MXI1: variants seen among roughly 807,000 people sequenced by gnomAD.
MXI1 encodes MAX interactor 1, dimerization protein.
Under a neutral mutation model 36.9 loss-of-function variants are expected in MXI1, and 18 were observed. The observed-to-expected ratio is 0.49, with a 90% confidence interval of 0.34 to 0.72. The LOEUF is 0.72. MXI1 is among the 30% of genes least tolerant of loss of function. The pLI, the probability that MXI1 is intolerant of heterozygous loss-of-function variation, is 0.01. For synonymous variants in MXI1, 160 were observed against 146.7 expected (o/e 1.09, Z -0.65); for missense variants, 304 against 379.1 (o/e 0.80, Z 1.64).
chr10:110,239,803 CA>C (rs1437574140), intron 2 of MXI1, among the ~76,000 whole-genome samples: 3 of 151,710 alleles, frequency 2.0e-5, no homozygotes, highest in African/African-American at 7.3e-5. Flanking sequence ...AATGTACATA[CA>C]AAAAAAGCAT....
intron 3 of MXI1, among the ~76,000 whole-genome samples, chr10:110,249,206 T>C (rs1855980402): frequency 6.6e-6 from 1 of 152,206 alleles, no homozygotes; most frequent in East Asian, 1.9e-4. Flanking sequence ...AGTAACTCAC[T>C]ATGAAAAGAT....
chr10:110,215,031 G>GT (rs1310002307), intron 1 of MXI1, among the ~76,000 whole-genome samples: 1,818 of 97,836 alleles, frequency 0.019, 125 homozygotes, highest in Non-Finnish European at 0.025. Context: ...CTCCACTTCA[G>GT]TTTTTTTTTT....
chr10:110,262,183 T>C (rs1207132407), intron 3 of MXI1, among the ~76,000 whole-genome samples: 1 of 152,158 alleles, frequency 6.6e-6, no homozygotes, highest in East Asian at 1.9e-4. Flanking sequence ...ATTGCATCTA[T>C]GCTAAACATA....
At chr10:110,211,073 CTTTTT>C (rs33972208) in intron 1 of MXI1, among the ~76,000 whole-genome samples, 1 of 131,320 alleles carries the variant, frequency 7.6e-6, no homozygotes, top group Non-Finnish European at 1.6e-5. Context: ...TTGTGTACGT[CTTTTT>C]TTTTTTTTTT....
chr10:110,212,127 G>A (rs1854529781), intron 1 of MXI1, among the ~76,000 whole-genome samples: 1 of 152,228 alleles, frequency 6.6e-6, no homozygotes, highest in Admixed American at 6.5e-5. Context: ...AGTGTCTGGA[G>A]GAGGTTGCTT....
intron 1 of MXI1, chr10:110,226,230 T>G: frequency 6.7e-7 from 1 of 1,496,618 alleles, no homozygotes; most frequent in South Asian, 1.2e-5. Flanking sequence ...GTGAAGATGA[T>G]CAACGTGCAG....
At chr10:110,228,988 G>A (rs1855162749) in intron 2 of MXI1, among the ~76,000 whole-genome samples, 1 of 152,348 alleles carries the variant, frequency 6.6e-6, no homozygotes, top group East Asian at 1.9e-4. Context: ...GGGAGGCTGA[G>A]GTGGGAGGAT....
At chr10:110,242,220 A>G (rs1218949899) in intron 2 of MXI1, among the ~76,000 whole-genome samples, 1 of 152,046 alleles carries the variant, frequency 6.6e-6, no homozygotes, top group Non-Finnish European at 1.5e-5. Flanking sequence ...ATTTGGAAGT[A>G]AACTGTCTCT....
At chr10:110,267,685 A>G (rs1404541373) in intron 3 of MXI1, among the ~76,000 whole-genome samples, 1 of 152,234 alleles carries the variant, frequency 6.6e-6, no homozygotes, top group Admixed American at 6.5e-5. Flanking sequence ...TGACTTTTCA[A>G]GACTGCTATT....
rs193062785 is a variant in MXI1 at position 110,273,280 on chromosome 10, C to T, written c.438-5900C>T. Among the ~76,000 whole-genome samples, 558 of 152,138 alleles carry T rather than the reference C, an allele frequency of 3.7e-3. 4 individuals are homozygous for T. The highest frequency in any genetic ancestry group is 0.013 in the African/African-American group (541 of 41,508). On this transcript the variant is annotated intron_variant, in intron 3 of 5. Transcript: ENST00000332674. ...GCCACAATGGTCTCGATCTCCTGAC[C>T]TCATGATCCGCCCGCCTCGGCCTCC...
chr10:110,255,622 G>C (rs1291147179), intron 3 of MXI1, among the ~76,000 whole-genome samples: 1 of 152,096 alleles, frequency 6.6e-6, no homozygotes. Flanking sequence ...TGAAAGCTTT[G>C]TACACTGAAA....
rs755563261 is a variant in MXI1 at position 110,208,033 on chromosome 10, T to A, written c.225T>A (p.Ile75=). 1.2e-5 allele frequency: 19 copies of A among 1,603,324 alleles called. No homozygotes were observed. The highest frequency in any genetic ancestry group is 1.3e-5 in the Non-Finnish European group (15 of 1,174,978). Residue 75 remains isoleucine (I), a synonymous_variant, in exon 1 of 6, where the codon ATT becomes ATA. Transcript: ENST00000332674. Reference sequence around the variant, plus strand: ...ACACTTTTCTGCAGAACGTGCAGATTCTGCTCGAGGCCGCCAGCTACCTGG... The same window carrying A: ...ACACTTTTCTGCAGAACGTGCAGATACTGCTCGAGGCCGCCAGCTACCTGG... ...HINTFLQNVQ[I]LLEAASYLEQ... is the part of the protein sequence containing the mutation.
chr10:110,224,716 C>T (rs931081333), intron 1 of MXI1, among the ~76,000 whole-genome samples: 5 of 149,690 alleles, frequency 3.3e-5, no homozygotes, highest in African/African-American at 4.9e-5. Flanking sequence ...GGCGTGATCT[C>T]GGCTCACTGC....
At chr10:110,254,069 TATC>T (rs1288980727) in intron 3 of MXI1, among the ~76,000 whole-genome samples, 1 of 152,080 alleles carries the variant, frequency 6.6e-6, no homozygotes, top group Non-Finnish European at 1.5e-5. Flanking sequence ...TGCTTGCAGA[TATC>T]ATGATCTTAT....
At chr10:110,236,544 C>T (rs1590354351) in intron 2 of MXI1, among the ~76,000 whole-genome samples, 1 of 152,240 alleles carries the variant, frequency 6.6e-6, no homozygotes, top group Admixed American at 6.5e-5. Flanking sequence ...CAGCCTTAAC[C>T]TTCTCGGGCT....
At chr10:110,230,560 T>G (rs940024635) in intron 2 of MXI1, among the ~76,000 whole-genome samples, 2 of 152,212 alleles carry the variant, frequency 1.3e-5, no homozygotes, top group African/African-American at 4.8e-5. Flanking sequence ...GTGTGGGTTT[T>G]GGGCTGGGGC....
chr10:110,244,668 T>C (rs1855794731), intron 2 of MXI1, among the ~76,000 whole-genome samples, 160 bp from the exon 3 acceptor site: 1 of 152,106 alleles, frequency 6.6e-6, no homozygotes, highest in Admixed American at 6.6e-5. Flanking sequence ...TCCTAATGAA[T>C]GTAGACTATT....
intron 5 of MXI1, among the ~76,000 whole-genome samples, chr10:110,283,241 C>G (rs991479139): frequency 2.0e-5 from 3 of 151,142 alleles, no homozygotes; most frequent in African/African-American, 7.3e-5. Context: ...TTCACCCTGT[C>G]CTTTTGGCCT....
At chr10:110,214,795 C>T (rs1325056800) in intron 1 of MXI1, among the ~76,000 whole-genome samples, 4 of 151,234 alleles carry the variant, frequency 2.6e-5, no homozygotes, top group Non-Finnish European at 4.4e-5. Flanking sequence ...GCTCTGGCTT[C>T]CAAATGTCCT....
Sources: gnomAD v4.1 joint callset for allele counts (sites outside exome capture counted in the v4.1 genomes callset) on GRCh38, gnomAD v4.1.1 for gene constraint, MANE v1.5 for transcripts, NCBI Gene and HGNC (gene_info 2026-07-23, HGNC 2026-07-21) for gene names.